Variants in PHKG2 observed in about 807,000 individuals in gnomAD.
The protein encoded by PHKG2 is phosphorylase kinase catalytic subunit gamma 2.
PHKG2 carries 28 observed loss-of-function variants against 44.5 expected under a neutral mutation model. The observed-to-expected ratio is 0.63, with a 90% CI of 0.47 to 0.86. The LOEUF (loss-of-function observed/expected upper bound fraction) is 0.86. Ranked by LOEUF, PHKG2 falls within the 40% of genes least tolerant of loss-of-function variation. The pLI is 0.00. For synonymous variants in PHKG2, 220 were observed against 211.2 expected (o/e 1.04, Z -0.36); for missense variants, 498 against 547.5 (o/e 0.91, Z 0.90).
chr16:30,757,699 C>A lies in PHKG2; in HGVS notation c.*602C>A. On this transcript the variant is annotated 3_prime_UTR_variant, in exon 10 of 10. Coordinates refer to ENST00000563588, the MANE Select transcript of PHKG2 (RefSeq NM_000294.3). Reference sequence around the variant, plus strand: ...GGGGCAGGGTGAGGAGAGATGCTGTCTGGCAATGGGGGGATGGTCCCTAGT... The same window carrying A: ...GGGGCAGGGTGAGGAGAGATGCTGTATGGCAATGGGGGGATGGTCCCTAGT... 1 of 1,565,876 alleles carries A rather than the reference C, an allele frequency of 6.4e-7. No individual in the cohort carries two copies. The highest frequency in any genetic ancestry group is 8.7e-7 in the Non-Finnish European group (1 of 1,154,068).
In PHKG2 at chr16:30,756,812, G is replaced by A; in HGVS notation, c.936G>A (p.Val312=). 2.5e-6 allele frequency: 4 copies of A among 1,614,184 alleles called. No homozygotes were observed. Among genetic ancestry groups the A allele is most frequent in the Non-Finnish European group, 3.4e-6 (4 of 1,180,040 alleles). ...CCTGCCCCCCTTCCCAGGTGGCAGT[G>A]TGGACAGTGCTGGCTGCTGGACGAG... ...LTPRQRFRVA[V]WTVLAAGRVA... Residue 312 remains valine, a synonymous_variant, in exon 10 of 10, where the codon GTG becomes GTA. Coordinates refer to ENST00000563588, the MANE Select transcript of PHKG2 (RefSeq NM_000294.3).
Position 30,760,151 on chromosome 16 carries a change from T to G in PHKG2, c.*3054T>G. 6.3e-7 allele frequency: 1 copy of G among 1,578,448 alleles called. No homozygotes were observed. Among genetic ancestry groups the G allele is most frequent in the Non-Finnish European group, 8.6e-7 (1 of 1,168,994 alleles). On this transcript the variant is annotated 3_prime_UTR_variant, in exon 10 of 10. Transcript: ENST00000563588. ...AGCAGTGGATTGGAAAGCTGATGGC[T>G]TGTGTATGATGATGCTACTAATAAT...
At position 30,749,206 on chromosome 16, in the gene PHKG2, T is replaced by TG. The variant is rs1200732276; in HGVS notation, c.95+292dup. On this transcript the variant is annotated intron_variant, in intron 2 of 9. Transcript: ENST00000563588. ...GTGCTGGTGGTGGTGCTGGTGGTGG[T>TG]GTGTGTGTGTGTGTGTGTCTTTCGG... Among the ~76,000 whole-genome samples the TG allele has an allele frequency of 2.8e-5, 3 of 106,912 alleles. No homozygotes were observed. The South Asian group carries it at 9.1e-4, about 32-fold the overall frequency. The allele number at this position is 106,912 out of a possible 152,430, so 70.1% of individuals were successfully genotyped here. A position where few individuals can be genotyped will look rare whatever the true frequency, so the allele number is the denominator to read the frequency against.
chr16:30,759,824 A>G lies in PHKG2; in HGVS notation c.*2727A>G. On this transcript the variant is annotated 3_prime_UTR_variant, in exon 10 of 10. Transcript: ENST00000563588. ...ATGACCATGAGCTTCAGAAGCAGAC[A>G]GATCTGGGTTTCAGCACTGGCTTGT... 6.7e-7 allele frequency: 1 copy of G among 1,501,812 alleles called. No individual in the cohort carries two copies. The highest frequency in any genetic ancestry group is 8.9e-7 in the Non-Finnish European group (1 of 1,129,472). The allele number at this position is 1,501,812 out of a possible 1,614,324, so 93.0% of individuals were successfully genotyped here. A position where few individuals can be genotyped will look rare whatever the true frequency, so the allele number is the denominator to read the frequency against.
At position 30,753,538 on chromosome 16, in the gene PHKG2, A is replaced by T; in HGVS notation, c.537A>T (p.Glu179Asp). 2 of 1,614,022 alleles carry T rather than the reference A, an allele frequency of 1.2e-6. No homozygotes were observed. The highest frequency in any genetic ancestry group is 1.7e-6 in the Non-Finnish European group (2 of 1,179,986). The change falls in exon 6 of 10, where the codon GAA (glutamate) becomes GAT (aspartate). Residue 179 changes from glutamate (E) to aspartate (D), a missense_variant. Glu to Asp is a conservative substitution (Grantham distance 45). Coordinates refer to ENST00000563588, the MANE Select transcript of PHKG2 (RefSeq NM_000294.3). Reference protein sequence around the residue: ...LSDFGFSCHLEPGEKLRELCG... With the variant: ...LSDFGFSCHLDPGEKLRELCG... ...ATTTCGGGTTCTCCTGCCACTTGGA[A>T]CCTGGCGAGAAGCTTCGAGGTGAGG...
chr16:30,760,158 T>C lies in PHKG2; in HGVS notation c.*3061T>C, dbSNP rs2053654312. ...GATTGGAAAGCTGATGGCTTGTGTA[T>C]GATGATGCTACTAATAATGACATAT... On this transcript the variant is annotated 3_prime_UTR_variant, in exon 10 of 10. Coordinates refer to ENST00000563588, the MANE Select transcript of PHKG2 (RefSeq NM_000294.3). The C allele has an allele frequency of 1.3e-6, 2 of 1,586,368 alleles. No individual in the cohort carries two copies. The highest frequency in any genetic ancestry group is 4.6e-5 in the East Asian group (2 of 43,586).
rs1567259503 is a variant in PHKG2 at position 30,749,093 on chromosome 16, GCT to G, written c.95+179_95+180del. Among the ~76,000 whole-genome samples the G allele has an allele frequency of 4.5e-3, 228 of 50,628 alleles. 66 individuals are homozygous for G. Among genetic ancestry groups the G allele is most frequent in the African/African-American group, 0.012 (181 of 14,730 alleles). The allele number at this position is 50,628 out of a possible 152,430, so 33.2% of individuals were successfully genotyped here. ...TGGTGGTGGTGGTGGTGGTGGTGCT[GCT>G]GCTGCTGCTGCTGCTGGTGGTGCTG... On this transcript the variant is annotated intron_variant, in intron 2 of 9. Transcript: ENST00000563588.
Position 30,748,826 on chromosome 16 carries a change from G to T in PHKG2, c.6G>T (p.Thr2=), listed in dbSNP as rs1431449377. Residue 2 remains threonine, a synonymous_variant, in exon 2 of 10, where the codon ACG becomes ACT. Transcript: ENST00000563588. M[T]LDVGPEDELP... ...AGGCCCCCGCCTCCTTCAGGATGAC[G>T]CTGGACGTGGGGCCGGAGGATGAGC... 2.6e-6 allele frequency: 4 copies of T among 1,551,420 alleles called. No individual in the cohort carries two copies. The highest frequency in any genetic ancestry group is 3.5e-6 in the Non-Finnish European group (4 of 1,146,972).
intron 4 of PHKG2, chr16:30,752,624 A>C (rs1160176907): frequency 6.5e-6 from 1 of 153,860 alleles, no homozygotes; most frequent in Non-Finnish European, 1.4e-5. Context: ...AGGCCCTTGG[A>C]AAAAATTCAT....
In PHKG2 at chr16:30,760,691, G is replaced by A; in HGVS notation, c.*3594G>A. 3 of 1,548,502 alleles carry A rather than the reference G, an allele frequency of 1.9e-6. No individual in the cohort carries two copies. Among genetic ancestry groups the A allele is most frequent in the Non-Finnish European group, 2.6e-6 (3 of 1,144,832 alleles). On this transcript the variant is annotated 3_prime_UTR_variant, in exon 10 of 10. Coordinates refer to ENST00000563588, the MANE Select transcript of PHKG2 (RefSeq NM_000294.3). Reference sequence around the variant, plus strand: ...TTCCTGTTATAGTAAAAGAAAAAGAGTATTGGTGGCCGTTACCTATCATGA... The same window carrying A: ...TTCCTGTTATAGTAAAAGAAAAAGAATATTGGTGGCCGTTACCTATCATGA...
At position 30,759,998 on chromosome 16, in the gene PHKG2, A is replaced by G; in HGVS notation, c.*2901A>G. The G allele has an allele frequency of 2.7e-6, 4 of 1,465,744 alleles. No homozygotes were observed. The highest frequency in any genetic ancestry group is 3.6e-6 in the Non-Finnish European group (4 of 1,115,830). The allele number at this position is 1,465,744 out of a possible 1,614,324, so 90.8% of individuals were successfully genotyped here. On this transcript the variant is annotated 3_prime_UTR_variant, in exon 10 of 10. Transcript: ENST00000563588. ...AAATAGATCATTTCAGCTATTAAAC[A>G]TTCTGAAGCAAGAGCTATTAAACAT...
In PHKG2 at chr16:30,751,167, A is replaced by G; in HGVS notation, c.157A>G (p.Lys53Glu). 1 of 1,613,998 alleles carries G rather than the reference A, an allele frequency of 6.2e-7. No homozygotes were observed. Among genetic ancestry groups the G allele is most frequent in the South Asian group, 1.1e-5 (1 of 91,086 alleles). Residue 53 changes from lysine (K) to glutamate (E), a missense_variant, in exon 3 of 10, where the codon AAG (lysine) becomes GAG (glutamate). Physicochemically the swap from Lys to Glu is moderately conservative, Grantham distance 56 (BLOSUM62 1). Transcript: ENST00000563588. ...HRATGHEFAV[K>E]IMEVTAERLS... ...AGCTACTGGCCACGAGTTTGCGGTG[A>G]AGATTATGGAAGTGACAGCTGAGCG... is the stretch of plus-strand genomic sequence containing the variant.
At chr16:30,756,760 T>C (rs2053434586) in intron 9 of PHKG2, 44 bp from the exon 10 acceptor site, 1 of 1,613,820 alleles carries the variant, frequency 6.2e-7, no homozygotes, top group Non-Finnish European at 8.5e-7. Context: ...CTCTGTCCCA[T>C]GATCTTTCCC....
In PHKG2 at chr16:30,759,698, A is replaced by G. The variant is rs775394419; in HGVS notation, c.*2601A>G. The G allele has an allele frequency of 6.2e-7, 1 of 1,613,192 alleles. No homozygotes were observed. Among genetic ancestry groups the G allele is most frequent in the South Asian group, 1.1e-5 (1 of 91,018 alleles). On this transcript the variant is annotated 3_prime_UTR_variant, in exon 10 of 10. Coordinates refer to ENST00000563588, the MANE Select transcript of PHKG2 (RefSeq NM_000294.3). Reference sequence around the variant, plus strand: ...AGGACACTGGTGAAGTAGCGGTAGCACTCCTCCACGTTGCCCAAGGGGGTT... The same window carrying G: ...AGGACACTGGTGAAGTAGCGGTAGCGCTCCTCCACGTTGCCCAAGGGGGTT...
intron 2 of PHKG2, 29 bp from the exon 3 acceptor site, chr16:30,751,077 T>A: frequency 6.2e-7 from 1 of 1,610,356 alleles, no homozygotes; most frequent in Non-Finnish European, 8.5e-7. Flanking sequence ...ACAGAGGCCC[T>A]GACTTGTGCT....
chr16:30,753,705 CTA>C (rs2053381650), intron 6 of PHKG2, 148 bp downstream of exon 6: 1 of 744,216 alleles, frequency 1.3e-6, no homozygotes, highest in African/African-American at 1.7e-5. Flanking sequence ...GGCGCAAAGC[CTA>C]TGTTTACCTC....
At position 30,751,254 on chromosome 16, in the gene PHKG2, C is replaced by T. The variant is rs779594016; in HGVS notation, c.244C>T (p.Arg82Cys). 1.2e-5 allele frequency: 19 copies of T among 1,611,314 alleles called. No homozygotes were observed. Among genetic ancestry groups the T allele is most frequent in the South Asian group, 2.2e-5 (2 of 91,092 alleles). Residue 82 changes from arginine to cysteine, a missense_variant, in exon 3 of 10, where the codon CGC (arginine) becomes TGC (cysteine). Physicochemically the swap from Arg to Cys is radical, Grantham distance 180. Transcript: ENST00000563588. ...CACACGGCGAGAGACACACATCCTT[C>T]GCCAGGTCGCCGGCCACCCCCACAT... ...EATRRETHIL[R>C]QVAGHPHIIT...
rs1347836082 is a variant in PHKG2 at position 30,756,654 on chromosome 16, CCTT to C, written c.870_872del (p.Phe291del). 1.2e-6 allele frequency: 2 copies of C among 1,613,968 alleles called. No homozygotes were observed. The highest frequency in any genetic ancestry group is 1.7e-6 in the Non-Finnish European group (2 of 1,180,032). On this transcript the variant is annotated inframe_deletion, in exon 9 of 10. Transcript: ENST00000563588. ...ACAGCTGAGCAGGCCCTACAGCACCCCTTCTTTGAGCGTTGTGAAGGCAGCCAA... is the reference window on the plus strand; with the variant it reads ...ACAGCTGAGCAGGCCCTACAGCACCCCTTTGAGCGTTGTGAAGGCAGCCAA...
rs2053447667 is a variant in PHKG2 at position 30,757,223 on chromosome 16, C to T, written c.*126C>T. 6.3e-7 allele frequency: 1 copy of T among 1,579,730 alleles called. No homozygotes were observed. The highest frequency in any genetic ancestry group is 8.5e-7 in the Non-Finnish European group (1 of 1,170,482). On this transcript the variant is annotated 3_prime_UTR_variant, in exon 10 of 10. Coordinates refer to ENST00000563588, the MANE Select transcript of PHKG2 (RefSeq NM_000294.3). ...AATGATCCTGCTACCCTCTTGAAGA[C>T]CAGCCCGGTACCTCTCTCCCCACTG...
Sources: gnomAD v4.1 joint callset for allele counts (sites outside exome capture counted in the v4.1 genomes callset) on GRCh38, gnomAD v4.1.1 for gene constraint, MANE v1.5 for transcripts, NCBI Gene and HGNC (gene_info 2026-07-23, HGNC 2026-07-21) for gene names.